The following DUS1L variants were observed in gnomAD, a reference collection of about 807,000 sequenced individuals.
DUS1L encodes the protein dihydrouridine synthase 1 like.
A neutral mutation model predicts 61.2 loss-of-function variants in DUS1L; 56 were observed. The ratio of observed to expected loss-of-function variants is 0.92; its 90% CI spans 0.74 to 1.14. The LOEUF is 1.14. Ranked by LOEUF, DUS1L falls within the 50% of genes most tolerant of loss-of-function variation. DUS1L has a pLI of 0.00. For missense variants in DUS1L, 630 were observed against 632.4 expected (o/e 1.00, Z 0.04); for synonymous variants, 278 against 259.5 (o/e 1.07, Z -0.69).
At position 82,064,361 on chromosome 17, in the gene DUS1L, G is replaced by A. The variant is rs115268319; in HGVS notation, c.238-127C>T. ...CAGGTTCACTGCAGGAGGGTGCTCT[G>A]TCCTGCGGAGGCTTACAATATGACA... On this transcript the variant is annotated intron_variant, in intron 2 of 13. Transcript: ENST00000306796. 118 of 731,652 alleles carry A rather than the reference G, an allele frequency of 1.6e-4. No individual in the cohort carries two copies. The African/African-American group carries it at 1.8e-3, about 11-fold the overall frequency. 45.3% of individuals were successfully genotyped at this position (731,652 alleles called of 1,614,324 possible). A position where few individuals can be genotyped will look rare whatever the true frequency, so the allele number is the denominator to read the frequency against.
chr17:82,062,862 T>A lies in DUS1L; in HGVS notation c.509A>T (p.Gln170Leu). ...YAQMLEKAGCQLLTVHGRTKE... is the reference protein window; with the variant it reads ...YAQMLEKAGCLLLTVHGRTKE... ...CACCCCCGCGAGCCCAGGGCTCACCTGGCAGCCGGCCTTCTCCAGCATCTG... is the reference window on the plus strand; with the variant it reads ...CACCCCCGCGAGCCCAGGGCTCACCAGGCAGCCGGCCTTCTCCAGCATCTG... Residue 170 changes from glutamine (Q) to leucine (L), a missense_variant and splice_region_variant, in exon 5 of 14, where the codon CAG (glutamine) becomes CTG (leucine). Gln to Leu is a moderately radical substitution (Grantham distance 113). Transcript: ENST00000306796. 1 of 1,612,290 alleles carries A rather than the reference T, an allele frequency of 6.2e-7. No homozygotes were observed.
At chr17:82,060,309 G>T in intron 10 of DUS1L, 1 of 640,632 alleles carries the variant, frequency 1.6e-6, no homozygotes, top group Non-Finnish European at 2.6e-6. Flanking sequence ...GCAGCCCCAA[G>T]CTCTGAACCA....
rs537261342 is a variant in DUS1L at position 82,063,049 on chromosome 17, C to T, written c.398-76G>A. ...GCGGCCAAGCCCCAGAGCCCAGGGC[C>T]CTGCAGACAGCGGAGCCCAGGCAGC... is the stretch of plus-strand genomic sequence containing the variant. On this transcript the variant is annotated intron_variant, in intron 4 of 13. Coordinates refer to ENST00000306796, the MANE Select transcript of DUS1L (RefSeq NM_022156.5). 1.8e-4 allele frequency: 235 copies of T among 1,315,266 alleles called. 2 individuals carry two copies. Among genetic ancestry groups the T allele is most frequent in the Non-Finnish European group, 2.3e-4 (209 of 924,484 alleles). The allele number at this position is 1,315,266 out of a possible 1,614,324, so 81.5% of individuals were successfully genotyped here. A position where few individuals can be genotyped will look rare whatever the true frequency, so the allele number is the denominator to read the frequency against.
At position 82,065,085 on chromosome 17, in the gene DUS1L, A is replaced by T; in HGVS notation, c.-10-16T>A. ...CGTCTCCAGGCTGGGGGAAAGGCGC[A>T]GACCCGGGGTTCAGCCAGGCCCAAC... On this transcript the variant is annotated splice_polypyrimidine_tract_variant and intron_variant, in intron 1 of 13. Coordinates refer to ENST00000306796, the MANE Select transcript of DUS1L (RefSeq NM_022156.5). The T allele has an allele frequency of 6.4e-7, 1 of 1,563,686 alleles. No homozygotes were observed. The highest frequency in any genetic ancestry group is 2.3e-5 in the East Asian group (1 of 44,280).
In DUS1L at chr17:82,061,013, C is replaced by T. The variant is rs771143972; in HGVS notation, c.843-52G>A. ...CTGGGCTCCCGGCTCCACCGTCAGG[C>T]CCCAGGCTGAGCACTGGGCACACGG... On this transcript the variant is annotated intron_variant, in intron 8 of 13. Coordinates refer to ENST00000306796, the MANE Select transcript of DUS1L (RefSeq NM_022156.5). 2.5e-6 allele frequency: 4 copies of T among 1,583,670 alleles called. No individual in the cohort carries two copies. The Admixed American group carries it at 7.0e-5, about 28-fold the overall frequency.
intron 2 of DUS1L, 105 bp downstream of exon 2, chr17:82,064,717 TG>T: frequency 8.4e-7 from 1 of 1,189,130 alleles, no homozygotes; most frequent in Non-Finnish European, 1.2e-6. Flanking sequence ...GAGCTGTCTC[TG>T]GAAAGGCTGA....
Position 82,061,635 on chromosome 17 carries a change from T to C in DUS1L, c.680A>G (p.Gln227Arg). Residue 227 changes from glutamine (Q) to arginine (R), a missense_variant, in exon 7 of 14, where the codon CAG becomes CGG. Coordinates refer to ENST00000306796, the MANE Select transcript of DUS1L (RefSeq NM_022156.5). ...VERCLRDTGVQGVMSAEGNLH... is the reference protein window; with the variant it reads ...VERCLRDTGVRGVMSAEGNLH... ...CTGCCCACCTGCGCTCATGACGCCC[T>C]GCACACCCGTGTCCCGGAGGCAGCG... 6.2e-7 allele frequency: 1 copy of C among 1,612,228 alleles called. No homozygotes were observed. Among genetic ancestry groups the C allele is most frequent in the Non-Finnish European group, 8.5e-7 (1 of 1,179,778 alleles).
At chr17:82,060,510 C>T in intron 10 of DUS1L, 191 bp downstream of exon 10, 2 of 680,036 alleles carry the variant, frequency 2.9e-6, no homozygotes, top group Non-Finnish European at 2.4e-6. Flanking sequence ...CAGCATCCTC[C>T]ACCAAGGACA....
chr17:82,062,787 G>C (rs1285666748), intron 5 of DUS1L, 74 bp downstream of exon 5: 1 of 1,334,696 alleles, frequency 7.5e-7, no homozygotes, highest in Non-Finnish European at 1.1e-6. Context: ...CTGGACACAG[G>C]AAGAGCCTCA....
intron 12 of DUS1L, 65 bp from the exon 13 acceptor site, chr17:82,058,481 G>A: frequency 1.4e-6 from 2 of 1,470,946 alleles, no homozygotes; most frequent in Non-Finnish European, 1.8e-6. Flanking sequence ...TGGCCAGCAG[G>A]GGAGCAGCCC....
chr17:82,060,111 G>T lies in DUS1L; in HGVS notation c.1023-18C>A. 1 of 1,609,446 alleles carries T rather than the reference G, an allele frequency of 6.2e-7. No individual in the cohort carries two copies. ...CCCTGGGCCTGAGGGGAGGGCAGCG[G>T]GCAGAGCCCAAGGACACTGTGAGAG... On this transcript the variant is annotated intron_variant, in intron 10 of 13. Coordinates refer to ENST00000306796, the MANE Select transcript of DUS1L (RefSeq NM_022156.5).
intron 9 of DUS1L, 22 bp downstream of exon 9, chr17:82,060,843 T>G: frequency 6.2e-7 from 1 of 1,604,418 alleles, no homozygotes. Context: ...AAGGCCGGGC[T>G]CCCACCAGCC....
Position 82,058,050 on chromosome 17 carries a change from G to C in DUS1L, c.*65C>G. 9 of 1,451,164 alleles carry C rather than the reference G, an allele frequency of 6.2e-6. No individual in the cohort carries two copies. The highest frequency in any genetic ancestry group is 8.2e-6 in the Non-Finnish European group (9 of 1,099,864). The allele number at this position is 1,451,164 out of a possible 1,614,324, so 89.9% of individuals were successfully genotyped here. A position where few individuals can be genotyped will look rare whatever the true frequency, so the allele number is the denominator to read the frequency against. ...TAGCAGGAGATTCCCTGAGTAAAAG[G>C]CATTTTCTTAAGTAGGACGTGTCCA... On this transcript the variant is annotated 3_prime_UTR_variant, in exon 14 of 14. Coordinates refer to ENST00000306796, the MANE Select transcript of DUS1L (RefSeq NM_022156.5).
At chr17:82,061,819 G>A (rs1047365533) in intron 6 of DUS1L, 82 bp downstream of exon 6, 38 of 1,590,444 alleles carry the variant, frequency 2.4e-5, no homozygotes, top group African/African-American at 2.7e-5. Flanking sequence ...GGCGTCAGGC[G>A]TGCCGAGCAC....
Position 82,060,113 on chromosome 17 carries a change from C to CAG in DUS1L, c.1023-22_1023-21dup. 1 of 1,608,666 alleles carries CAG rather than the reference C, an allele frequency of 6.2e-7. No homozygotes were observed. The highest frequency in any genetic ancestry group is 1.1e-5 in the South Asian group (1 of 90,694). ...CTGGGCCTGAGGGGAGGGCAGCGGG[C>CAG]AGAGCCCAAGGACACTGTGAGAGGG... On this transcript the variant is annotated intron_variant, in intron 10 of 13. Coordinates refer to ENST00000306796, the MANE Select transcript of DUS1L (RefSeq NM_022156.5).
intron 5 of DUS1L, among the ~76,000 whole-genome samples, chr17:82,062,300 G>A (rs2033546494): frequency 1.3e-5 from 2 of 152,216 alleles, no homozygotes; most frequent in Admixed American, 1.3e-4. Flanking sequence ...AAGGCCAAAG[G>A]TGTGGGAGGG....
At chr17:82,059,533 C>T (rs762690928) in intron 11 of DUS1L, 130 of 179,002 alleles carry the variant, frequency 7.3e-4, no homozygotes, top group Middle Eastern at 2.4e-3. Context: ...AAGAGAGGGG[C>T]GAGCAGCCTC....
chr17:82,058,859 G>A (rs1215786113), intron 11 of DUS1L, 41 bp from the exon 12 acceptor site: 9 of 1,579,248 alleles, frequency 5.7e-6, no homozygotes, highest in South Asian at 1.1e-5. Flanking sequence ...TGAGGGCCAG[G>A]GTGCCCTGGC....
rs1251219849 is a variant in DUS1L at position 82,065,070 on chromosome 17, C to T, written c.-10-1G>A. On this transcript the variant is annotated splice_acceptor_variant, in intron 1 of 13. Coordinates refer to ENST00000306796, the MANE Select transcript of DUS1L (RefSeq NM_022156.5). LOFTEE classifies it low-confidence loss of function (5UTR_SPLICE). ...CTGCAGCTTTGGCATCGTCTCCAGGCTGGGGGAAAGGCGCAGACCCGGGGT... is the reference window on the plus strand; with the variant it reads ...CTGCAGCTTTGGCATCGTCTCCAGGTTGGGGGAAAGGCGCAGACCCGGGGT... 1.9e-6 allele frequency: 3 copies of T among 1,583,730 alleles called. No homozygotes were observed.
Sources: allele counts gnomAD v4.1 joint callset (sites outside exome capture counted in the v4.1 genomes callset), GRCh38; gene constraint gnomAD v4.1.1; transcripts MANE v1.5; gene names NCBI Gene and HGNC (gene_info 2026-07-23, HGNC 2026-07-21).